Variants in CEP290 observed in about 807,000 individuals in gnomAD.
CEP290 encodes the protein centrosomal protein 290, also known as centrosomal protein of 290 kDa.
In CEP290, 317 loss-of-function variants were observed where a neutral mutation model predicts 344.9. The observed-to-expected ratio is 0.92, with a 90% CI of 0.84 to 1.01. The LOEUF (loss-of-function observed/expected upper bound fraction) is 1.01, where lower values mean the gene tolerates loss of function less well. CEP290 is among the 50% of genes least tolerant of loss of function. The probability of loss-of-function intolerance (pLI) is 0.00; values close to 1 mark genes in which losing one functional copy is unlikely to be tolerated. For synonymous variants in CEP290, 932 were observed against 895.8 expected (o/e 1.04, Z -0.72); for missense variants, 2,754 against 2,761.4 (o/e 1.00, Z 0.06).
In CEP290 at chr12:88,079,197, T is replaced by G. The variant is rs747328752; in HGVS notation, c.5259A>C (p.Ala1753=). The G allele has an allele frequency of 2.2e-5, 35 of 1,598,786 alleles. No homozygotes were observed. The highest frequency in any genetic ancestry group is 2.9e-5 in the Non-Finnish European group (34 of 1,174,690). Residue 1753 remains alanine, a synonymous_variant, in exon 39 of 54, where the codon GCA becomes GCC. Transcript: ENST00000552810. ...GTTCTTCAGCAGCTGCTGTCATTTC[T>G]GCCCGGAGTTCTAAAAGTGCCCGAC... ...ALSRALLELR[A]EMTAAAEERI... is the part of the protein sequence containing the mutation.
intron 22 of CEP290, 55 bp downstream of exon 22, chr12:88,111,147 G>T: frequency 9.8e-7 from 1 of 1,016,836 alleles, no homozygotes; most frequent in African/African-American, 1.7e-5. Context: ...TACTACCAAT[G>T]ATTTTTGTTA....
chr12:88,118,537 T>C lies in CEP290; in HGVS notation c.1657A>G (p.Lys553Glu), dbSNP rs77818876. 1 of 1,578,942 alleles carries C rather than the reference T, an allele frequency of 6.3e-7. No homozygotes were observed. The highest frequency in any genetic ancestry group is 8.6e-7 in the Non-Finnish European group (1 of 1,160,372). The change falls in exon 17 of 54, where the codon AAA becomes GAA. Residue 553 changes from lysine to glutamate, a missense_variant. Transcript: ENST00000552810. ...ESLEEERLDL[K>E]KKIRQMAQER... ...TGAGCCATTTGACGAATTTTTTTTT[T>C]CAGATCAAGTCGTTCTTCCTCTAGA...
chr12:88,088,016 T>A (rs972508670), intron 31 of CEP290, 72 bp from the exon 32 acceptor site: 3 of 585,656 alleles, frequency 5.1e-6, no homozygotes, highest in African/African-American at 3.9e-5. Flanking sequence ...TTGATGATAA[T>A]GATTTTAATT....
intron 26 of CEP290, among the ~76,000 whole-genome samples, chr12:88,098,580 C>G (rs778814153): frequency 2.0e-5 from 3 of 151,296 alleles, no homozygotes; most frequent in Non-Finnish European, 4.4e-5. Flanking sequence ...CAACTGCACT[C>G]GAGCCTGGGC....
intron 12 of CEP290, among the ~76,000 whole-genome samples, chr12:88,126,114 TC>T (rs1247795653): frequency 1.3e-5 from 2 of 152,108 alleles, no homozygotes; most frequent in Non-Finnish European, 2.9e-5. Context: ...TAACTCTAGT[TC>T]TAAGTCTAAT....
intron 12 of CEP290, 55 bp from the exon 13 acceptor site, chr12:88,125,424 G>A (rs981089080): frequency 2.1e-6 from 2 of 963,036 alleles, no homozygotes; most frequent in African/African-American, 1.7e-5. Context: ...ACCTAAAAAG[G>A]TAAGGAAAAA....
chr12:88,081,084 A>C (rs893962113), intron 37 of CEP290, among the ~76,000 whole-genome samples: 2 of 152,108 alleles, frequency 1.3e-5, no homozygotes, highest in Non-Finnish European at 2.9e-5. Flanking sequence ...TTTTGACTGG[A>C]TAATTCTTTG....
chr12:88,111,921 A>T (rs1300941754), intron 20 of CEP290, 63 bp from the exon 21 acceptor site: 1 of 1,206,904 alleles, frequency 8.3e-7, no homozygotes, highest in South Asian at 1.8e-5. Flanking sequence ...AGTAAAAAAC[A>T]GTCTGTCTTT....
At chr12:88,052,809 A>G (rs2033669111) in intron 52 of CEP290, among the ~76,000 whole-genome samples, 1 of 152,188 alleles carries the variant, frequency 6.6e-6, no homozygotes, top group South Asian at 2.1e-4. Flanking sequence ...AGCAGTAACA[A>G]GCCTCAGAAT....
chr12:88,137,234 T>C (rs1311504752), intron 5 of CEP290, among the ~76,000 whole-genome samples: 3 of 152,226 alleles, frequency 2.0e-5, no homozygotes, highest in Non-Finnish European at 2.9e-5. Flanking sequence ...ATGGACATGC[T>C]GTCAGTGCTG....
chr12:88,053,467 A>C (rs1163754080), intron 52 of CEP290, among the ~76,000 whole-genome samples, 185 bp downstream of exon 52: 2 of 152,000 alleles, frequency 1.3e-5, no homozygotes, highest in Non-Finnish European at 2.9e-5. Context: ...AGTATAAACA[A>C]CACAAAGAGA....
chr12:88,089,107 T>G lies in CEP290; in HGVS notation c.3954A>C (p.Thr1318=), dbSNP rs2036813116. 6.4e-7 allele frequency: 1 copy of G among 1,561,704 alleles called. No individual in the cohort carries two copies. The part of the protein sequence containing the change: ...QQEHRNMENK[T]LEMELKLKGL... ...CCTTTAATTTTAATTCCATCTCCAA[T>G]GTTTTGTTCTCCATATTTCTATGTT... is the stretch of plus-strand genomic sequence containing the variant. Residue 1318 remains threonine (T), a synonymous_variant, in exon 31 of 54, where the codon ACA becomes ACC. Coordinates refer to ENST00000552810, the MANE Select transcript of CEP290 (RefSeq NM_025114.4).
intron 37 of CEP290, among the ~76,000 whole-genome samples, chr12:88,080,723 C>T (rs2036139776): frequency 2.6e-5 from 4 of 152,186 alleles, no homozygotes; most frequent in Admixed American, 1.3e-4. Flanking sequence ...GCCACCACAC[C>T]TGGCCAAACA....
intron 5 of CEP290, 140 bp from the exon 6 acceptor site, chr12:88,136,926 G>T: frequency 3.7e-6 from 3 of 802,182 alleles, no homozygotes; most frequent in Non-Finnish European, 5.8e-6. Context: ...ATTAGCTTAA[G>T]AACTTTTTTT....
At chr12:88,131,817 A>C (rs1415104788) in intron 6 of CEP290, among the ~76,000 whole-genome samples, 1 of 152,202 alleles carries the variant, frequency 6.6e-6, no homozygotes, top group Non-Finnish European at 1.5e-5. Context: ...AAAAACCCCT[A>C]ATAAAATGGT....
intron 43 of CEP290, among the ~76,000 whole-genome samples, chr12:88,070,183 A>G (rs1379752254): frequency 6.6e-6 from 1 of 152,180 alleles, no homozygotes; most frequent in Non-Finnish European, 1.5e-5. Context: ...ACAATGGAGT[A>G]AATACATTCA....
chr12:88,086,881 C>T (rs1221875585), intron 32 of CEP290, among the ~76,000 whole-genome samples: 1 of 152,306 alleles, frequency 6.6e-6, no homozygotes, highest in East Asian at 1.9e-4. Context: ...AATAATAAAC[C>T]AGTAAGTATG....
intron 26 of CEP290, among the ~76,000 whole-genome samples, chr12:88,100,190 A>T (rs1230964531): frequency 2.0e-5 from 3 of 151,872 alleles, no homozygotes; most frequent in Non-Finnish European, 4.4e-5. Context: ...GAATCGCTTG[A>T]ACCTGGGAGG....
chr12:88,066,040 C>T (rs928093137), intron 44 of CEP290, among the ~76,000 whole-genome samples: 5 of 152,064 alleles, frequency 3.3e-5, no homozygotes, highest in African/African-American at 1.2e-4. Context: ...GTCTCAAACT[C>T]TTATTTATTA....
Sources: allele counts gnomAD v4.1 joint callset (sites outside exome capture counted in the v4.1 genomes callset), GRCh38; gene constraint gnomAD v4.1.1; transcripts MANE v1.5; gene names NCBI Gene and HGNC (gene_info 2026-07-23, HGNC 2026-07-21).